The following REV1 variants were observed in gnomAD, a reference collection of about 807,000 sequenced individuals.
REV1 encodes the protein REV1 DNA directed polymerase, also known as translesion synthesis protein REV1.
REV1 carries 42 observed loss-of-function variants against 137.4 expected under a neutral mutation model. That is an observed-to-expected ratio of 0.31 (90% CI 0.24 to 0.40). The LOEUF is 0.40. Ranked by LOEUF, REV1 falls within the 10% of genes least tolerant of loss-of-function variation. The pLI is 1.00. For synonymous variants in REV1, 524 were observed against 519.2 expected (o/e 1.01, Z -0.12); for missense variants, 1,282 against 1,490.1 (o/e 0.86, Z 2.30).
intron 9 of REV1, among the ~76,000 whole-genome samples, chr2:99,428,918 G>A (rs887228456): frequency 6.6e-6 from 1 of 151,820 alleles, no homozygotes; most frequent in Non-Finnish European, 1.5e-5. Context: ...CATGAACCTG[G>A]GAGGTGGAGC....
intron 1 of REV1, among the ~76,000 whole-genome samples, chr2:99,465,798 A>G (rs750539019): frequency 6.6e-6 from 1 of 152,212 alleles, no homozygotes; most frequent in African/African-American, 2.4e-5. Flanking sequence ...ATGTGTATCA[A>G]ATGGTTACCA....
At chr2:99,425,228 C>T (rs1397899151) in intron 9 of REV1, among the ~76,000 whole-genome samples, 1 of 152,144 alleles carries the variant, frequency 6.6e-6, no homozygotes, top group Non-Finnish European at 1.5e-5. Flanking sequence ...AGGCCTCTGG[C>T]ACCCTCCCAA....
rs62917560 is a variant in REV1, at chr2:99,445,142, A to C, written c.351-2673T>G. On this transcript the variant is annotated intron_variant, in intron 4 of 22. Coordinates refer to ENST00000258428, the MANE Select transcript of REV1 (RefSeq NM_016316.4). ...TCTGCGTTTAGGAACAAAAAAAAAAAACACAAGGAATGGCAAAAAAAACTC... is the reference window on the plus strand; with the variant it reads ...TCTGCGTTTAGGAACAAAAAAAAAACACACAAGGAATGGCAAAAAAAACTC... 2.0e-5 allele frequency among the ~76,000 whole-genome samples: 3 copies of C among 152,182 alleles called. No homozygotes were observed. In the South Asian group the frequency reaches 6.2e-4, roughly 32 times the overall value.
intron 9 of REV1, among the ~76,000 whole-genome samples, chr2:99,428,704 G>A (rs1353153267): frequency 6.6e-6 from 1 of 152,088 alleles, no homozygotes; most frequent in Non-Finnish European, 1.5e-5. Flanking sequence ...AGACTAAAAA[G>A]ATGTAACTAG....
rs1165255708 is a variant in REV1 at position 99,488,339 on chromosome 2, G to A, written c.-11+1478C>T. ...ATTATGTTCTACTTGAGACCTCATA[G>A]AAATTAATTTTAAAAGAGCAATTCC... On this transcript the variant is annotated intron_variant, in intron 1 of 22. Coordinates refer to ENST00000258428, the MANE Select transcript of REV1 (RefSeq NM_016316.4). 1.7e-5 allele frequency among the ~76,000 whole-genome samples: 2 copies of A among 118,606 alleles called. 1 individual carries two copies. The highest frequency in any genetic ancestry group is 6.0e-5 in the African/African-American group (2 of 33,120). The allele number at this position is 118,606 out of a possible 152,430, so 77.8% of individuals were successfully genotyped here.
intron 9 of REV1, among the ~76,000 whole-genome samples, chr2:99,429,490 T>C (rs1181241112): frequency 8.5e-5 from 13 of 152,184 alleles, no homozygotes; most frequent in African/African-American, 3.1e-4. Context: ...TTCTTAGCAA[T>C]AAAAACAAAA....
At chr2:99,407,735 C>T (rs1433506120) in intron 15 of REV1, among the ~76,000 whole-genome samples, 2 of 152,140 alleles carry the variant, frequency 1.3e-5, no homozygotes, top group African/African-American at 2.4e-5. Flanking sequence ...ATATTCCTCA[C>T]AGTCATATCT....
intron 1 of REV1, among the ~76,000 whole-genome samples, chr2:99,486,480 G>A (rs1839666): frequency 0.43 from 65,272 of 151,608 alleles, 14,305 homozygotes; most frequent in Admixed American, 0.58. Flanking sequence ...AGTGAGCCAA[G>A]ATGGTGCCAC....
chr2:99,474,106 C>T (rs1685711830), intron 1 of REV1, among the ~76,000 whole-genome samples: 1 of 152,136 alleles, frequency 6.6e-6, no homozygotes, highest in African/African-American at 2.4e-5. Context: ...TATTTCCTTC[C>T]TTTTAGTGTT....
At chr2:99,427,765 G>A (rs144522275) in intron 9 of REV1, among the ~76,000 whole-genome samples, 8 of 152,042 alleles carry the variant, frequency 5.3e-5, no homozygotes, top group Admixed American at 2.6e-4. Flanking sequence ...AAAATCTTAC[G>A]GCTGCATTTT....
At chr2:99,427,044 G>T (rs181229966) in intron 9 of REV1, among the ~76,000 whole-genome samples, 2 of 151,998 alleles carry the variant, frequency 1.3e-5, no homozygotes, top group Admixed American at 1.3e-4. Flanking sequence ...TTAGCCAGGC[G>T]TGGTGGCGGG....
intron 1 of REV1, among the ~76,000 whole-genome samples, chr2:99,477,458 C>T (rs1394546753): frequency 6.6e-6 from 1 of 152,176 alleles, no homozygotes; most frequent in Non-Finnish European, 1.5e-5. Flanking sequence ...CTACGGACTG[C>T]CTATCTACCT....
At chr2:99,469,222 G>GT (rs1348114761) in intron 1 of REV1, among the ~76,000 whole-genome samples, 1 of 152,102 alleles carries the variant, frequency 6.6e-6, no homozygotes, top group Non-Finnish European at 1.5e-5. Flanking sequence ...TTTTTCCCCC[G>GT]TAAGTTTTAG....
Position 99,439,154 on chromosome 2 carries a change from C to A in REV1, c.660G>T (p.Gly220=). 3.1e-6 allele frequency: 5 copies of A among 1,614,126 alleles called. No individual in the cohort carries two copies. The highest frequency in any genetic ancestry group is 3.4e-6 in the Non-Finnish European group (4 of 1,180,012). The change falls in exon 6 of 23, where the codon GGG becomes GGT. Residue 220 remains glycine (G), a synonymous_variant. Transcript: ENST00000258428. ...TGTGTCCATTAAAAATGGCAGTGCT[C>A]CCTCTGGGATGCGGAATTCCATTCT... is the stretch of plus-strand genomic sequence containing the variant. The part of the protein sequence containing the change: ...RKQNGIPHPR[G]STAIFNGHTP...
At chr2:99,447,038 C>T (rs915066352) in intron 4 of REV1, among the ~76,000 whole-genome samples, 2 of 152,082 alleles carry the variant, frequency 1.3e-5, no homozygotes, top group Non-Finnish European at 2.9e-5. Context: ...CATTGATAGA[C>T]AGTGGTTAGG....
chr2:99,454,376 C>T (rs146178709), intron 3 of REV1, among the ~76,000 whole-genome samples: 1 of 151,596 alleles, frequency 6.6e-6, no homozygotes, highest in Non-Finnish European at 1.5e-5. Flanking sequence ...CATGGAGAAA[C>T]CCCGTCACTA....
At chr2:99,445,764 T>G (rs1244282817) in intron 4 of REV1, among the ~76,000 whole-genome samples, 1 of 152,208 alleles carries the variant, frequency 6.6e-6, no homozygotes, top group African/African-American at 2.4e-5. Flanking sequence ...CACAGGCTCC[T>G]CATGAAAGGA....
intron 17 of REV1, 34 bp from the exon 18 acceptor site, chr2:99,404,711 A>T: frequency 6.8e-7 from 1 of 1,461,538 alleles, no homozygotes; most frequent in Non-Finnish European, 9.5e-7. Context: ...TAGGAAGTTA[A>T]AGCATGCTCA....
chr2:99,432,235 C>T (rs868809601), intron 8 of REV1, among the ~76,000 whole-genome samples: 1 of 152,074 alleles, frequency 6.6e-6, no homozygotes. Context: ...TTTTTGGATA[C>T]GACAACTAAG....
Sources: gnomAD v4.1 joint callset for allele counts (sites outside exome capture counted in the v4.1 genomes callset) on GRCh38, gnomAD v4.1.1 for gene constraint, MANE v1.5 for transcripts, NCBI Gene and HGNC (gene_info 2026-07-23, HGNC 2026-07-21) for gene names.